The following SND1 variants were observed in gnomAD, a reference collection of about 807,000 sequenced individuals.
SND1 encodes the protein staphylococcal nuclease domain-containing protein 1.
Under a neutral mutation model 121.7 loss-of-function variants are expected in SND1, and 38 were observed. That is an observed-to-expected ratio of 0.31 (90% confidence interval 0.24 to 0.41). The LOEUF (loss-of-function observed/expected upper bound fraction) is 0.41. Among genes scored for constraint, SND1 ranks in the 10% least tolerant of loss-of-function variants. The pLI, the probability that SND1 is intolerant of heterozygous loss-of-function variation, is 1.00. For synonymous variants in SND1, 401 were observed against 447.4 expected (o/e 0.90, Z 1.31); for missense variants, 868 against 1,184.6 (o/e 0.73, Z 3.92).
At chr7:127,835,551 T>C (rs1798851669) in intron 11 of SND1, among the ~76,000 whole-genome samples, 1 of 151,982 alleles carries the variant, frequency 6.6e-6, no homozygotes, top group Non-Finnish European at 1.5e-5. Context: ...CAGTTTCCAG[T>C]AGTGCCTCTG....
rs1222384997 is a variant in SND1, at chr7:127,721,182, T to C, written c.1039-105T>C. 8 of 652,678 alleles carry C rather than the reference T, an allele frequency of 1.2e-5. 1 individual carries two copies. Among genetic ancestry groups the C allele is most frequent in the Non-Finnish European group, 2.2e-5 (8 of 360,842 alleles). The allele number at this position is 652,678 out of a possible 1,614,324, so 40.4% of individuals were successfully genotyped here. On this transcript the variant is annotated intron_variant, in intron 9 of 23. Transcript: ENST00000354725. ...AGGATGATACTGTTTTTCCCACAAA[T>C]GGCTATTGATCTCACTTTCTACCTG...
intron 12 of SND1, among the ~76,000 whole-genome samples, chr7:127,854,001 C>G (rs1339397978): frequency 6.6e-6 from 1 of 152,140 alleles, no homozygotes; most frequent in Non-Finnish European, 1.5e-5. Context: ...AGTATTTGTG[C>G]TACTATTTCT....
intron 11 of SND1, among the ~76,000 whole-genome samples, chr7:127,843,188 A>G (rs1016301310): frequency 6.6e-6 from 1 of 152,002 alleles, no homozygotes; most frequent in African/African-American, 2.4e-5. Context: ...CCTACACACA[A>G]TCTTCCACAC....
At chr7:127,721,830 A>G (rs939634304) in intron 10 of SND1, among the ~76,000 whole-genome samples, 18 of 152,210 alleles carry the variant, frequency 1.2e-4, no homozygotes, top group African/African-American at 4.3e-4. Flanking sequence ...GAAGAAATGA[A>G]TCTTGGTATA....
At chr7:128,031,973 G>GGCGGCA (rs1792628799) in intron 16 of SND1, 2 of 150,436 alleles carry the variant, frequency 1.3e-5, no homozygotes, top group African/African-American at 4.9e-5. Context: ...GCTGGCTAGC[G>GGCGGCA]GCGGCAGCAG....
chr7:127,958,167 TC>T (rs1233894141), intron 15 of SND1, among the ~76,000 whole-genome samples: 1 of 152,164 alleles, frequency 6.6e-6, no homozygotes, highest in African/African-American at 2.4e-5. Context: ...CCAACCCAGA[TC>T]CAAGATTCAG....
At chr7:127,687,696 GT>G (rs1190210257) in intron 2 of SND1, among the ~76,000 whole-genome samples, 1 of 151,550 alleles carries the variant, frequency 6.6e-6, no homozygotes, top group East Asian at 1.9e-4. Context: ...GATTTTTTTT[GT>G]TTTGTTTTGA....
intron 16 of SND1, among the ~76,000 whole-genome samples, chr7:128,025,194 C>G (rs1475127107): frequency 6.6e-6 from 1 of 152,220 alleles, no homozygotes; most frequent in Non-Finnish European, 1.5e-5. Context: ...GTGAACAGCT[C>G]TAAGGGATAA....
intron 10 of SND1, among the ~76,000 whole-genome samples, chr7:127,780,849 G>A (rs916408376): frequency 2.0e-5 from 3 of 152,198 alleles, no homozygotes; most frequent in Non-Finnish European, 2.9e-5. Flanking sequence ...ACAGTGCACT[G>A]GGGATTTAGT....
chr7:127,701,218 G>A lies in SND1; in HGVS notation c.484G>A (p.Gly162Arg). Reference protein sequence around the residue: ...CEEQAKAAKKGMWSEGNGSHT... With the variant: ...CEEQAKAAKKRMWSEGNGSHT... The stretch of plus-strand genomic sequence containing the variant: ...AGAACAAGCAAAGGCAGCCAAGAAA[G>A]GGATGTGGAGTGAGGGGAACGGTTC... Residue 162 changes from glycine to arginine, a missense_variant, in exon 5 of 24, where the codon GGG (glycine) becomes AGG (arginine). By Grantham distance (125) the Gly-to-Arg change is moderately radical. Around this residue, in one of 2 missense-constraint regions of SND1, gnomAD observed 743 missense variants for 1,071.3 expected, o/e 0.69. Coordinates refer to ENST00000354725, the MANE Select transcript of SND1 (RefSeq NM_014390.4). The A allele has an allele frequency of 6.2e-7, 1 of 1,614,064 alleles. No individual in the cohort carries two copies. Among genetic ancestry groups the A allele is most frequent in the Non-Finnish European group, 8.5e-7 (1 of 1,179,980 alleles).
chr7:127,927,149 G>T (rs1287218316), intron 14 of SND1, among the ~76,000 whole-genome samples: 1 of 152,098 alleles, frequency 6.6e-6, no homozygotes. Flanking sequence ...AGGAAGAGAG[G>T]GTGCTGCAAC....
chr7:127,978,642 A>T (rs1365549858), intron 15 of SND1, among the ~76,000 whole-genome samples: 1 of 152,150 alleles, frequency 6.6e-6, no homozygotes, highest in Non-Finnish European at 1.5e-5. Flanking sequence ...CCCCTAAGCC[A>T]TGTTTTCATT....
At chr7:128,049,471 C>A (rs1793008952) in intron 16 of SND1, among the ~76,000 whole-genome samples, 1 of 152,130 alleles carries the variant, frequency 6.6e-6, no homozygotes, top group African/African-American at 2.4e-5. Context: ...TGAAGCCCAC[C>A]AGTTCCCCCT....
intron 16 of SND1, among the ~76,000 whole-genome samples, chr7:128,056,778 G>GT (rs1375766610): frequency 1.3e-5 from 2 of 152,064 alleles, no homozygotes; most frequent in Non-Finnish European, 2.9e-5. Context: ...CATATACAGT[G>GT]TTTTTTTCCT....
At chr7:127,826,099 G>A (rs1483624517) in intron 11 of SND1, among the ~76,000 whole-genome samples, 3 of 152,164 alleles carry the variant, frequency 2.0e-5, no homozygotes, top group African/African-American at 7.2e-5. Flanking sequence ...GCTGAGGCAG[G>A]TGAATTACTT....
At chr7:127,809,589 A>G (rs1444292640) in intron 11 of SND1, among the ~76,000 whole-genome samples, 1 of 152,194 alleles carries the variant, frequency 6.6e-6, no homozygotes, top group African/African-American at 2.4e-5. Context: ...TCAGCATGGC[A>G]CATGGTGATT....
At chr7:127,707,766 A>AGT (rs35627839) in intron 9 of SND1, 119 bp downstream of exon 9, 34,100 of 405,744 alleles carry the variant, frequency 0.084, 986 homozygotes, top group African/African-American at 0.16. Flanking sequence ...AGCCAGTAGG[A>AGT]GTGTGTGTGT....
chr7:127,777,126 C>G (rs1797635028), intron 10 of SND1, among the ~76,000 whole-genome samples: 1 of 152,094 alleles, frequency 6.6e-6, no homozygotes, highest in African/African-American at 2.4e-5. Flanking sequence ...ATTCAGTGAC[C>G]CAGCTTGTTA....
intron 15 of SND1, among the ~76,000 whole-genome samples, chr7:127,955,369 TATCTGCCTGCATCTCCC>T (rs1403021884): frequency 6.6e-6 from 1 of 152,138 alleles, no homozygotes; most frequent in African/African-American, 2.4e-5. Context: ...CACTGATATA[TATCTGCCTGCATCTCCC>T]ATGGAGAACC....
Sources: allele counts gnomAD v4.1 joint callset (sites outside exome capture counted in the v4.1 genomes callset), GRCh38; gene constraint gnomAD v4.1.1; regional missense constraint gnomAD v4.1.1; transcripts MANE v1.5; gene names NCBI Gene and HGNC (gene_info 2026-07-23, HGNC 2026-07-21).